Variants in C1orf185 observed in about 807,000 individuals in gnomAD.
The protein encoded by C1orf185 is chromosome 1 open reading frame 185.
A neutral mutation model predicts 16.1 loss-of-function variants in C1orf185; 13 were observed. That is an observed-to-expected ratio of 0.81 (90% CI 0.53 to 1.28). The LOEUF (loss-of-function observed/expected upper bound fraction) is 1.28. Ranked by LOEUF, C1orf185 falls within the 50% of genes most tolerant of loss-of-function variation. The pLI is 0.00. For missense variants in C1orf185, 220 were observed against 225.2 expected (o/e 0.98, Z 0.15); for synonymous variants, 80 against 76.9 (o/e 1.04, Z -0.21).
chr1:51,109,692 T>C lies in C1orf185; in HGVS notation c.17-2772T>C, dbSNP rs533937237. On this transcript the variant is annotated intron_variant, in intron 1 of 4. Coordinates refer to ENST00000371759, the MANE Select transcript of C1orf185 (RefSeq NM_001136508.2). ...TTCCTGGCACTTTGGCAAAAATCAGTTGGCTGTAGACATGTAGATTTATTT... is the reference window on the plus strand; with the variant it reads ...TTCCTGGCACTTTGGCAAAAATCAGCTGGCTGTAGACATGTAGATTTATTT... Among the ~76,000 whole-genome samples, 262 of 152,340 alleles carry C rather than the reference T, an allele frequency of 1.7e-3. 1 individual carries two copies. The highest frequency in any genetic ancestry group is 6.1e-3 in the African/African-American group (253 of 41,576).
rs572664558 is a variant in C1orf185 at position 51,127,785 on chromosome 1, C to T, written c.258+8984C>T. 3.3e-5 allele frequency among the ~76,000 whole-genome samples: 5 copies of T among 151,812 alleles called. No individual in the cohort carries two copies. In the East Asian group the frequency reaches 5.8e-4, roughly 18 times the overall value. On this transcript the variant is annotated intron_variant, in intron 3 of 4. Coordinates refer to ENST00000371759, the MANE Select transcript of C1orf185 (RefSeq NM_001136508.2). ...AACATTTTATGCATTCTCTTGTTGA[C>T]GGATATTGGGTTGTTTTTAGTTTTT...
intron 4 of C1orf185, among the ~76,000 whole-genome samples, chr1:51,146,391 G>A (rs190720705): frequency 1.6e-3 from 241 of 151,416 alleles, no homozygotes; most frequent in African/African-American, 5.7e-3. Flanking sequence ...CCCAGGAGGC[G>A]GAGGTTGCAG....
At chr1:51,134,461 C>T (rs1458828323) in intron 3 of C1orf185, among the ~76,000 whole-genome samples, 2 of 151,700 alleles carry the variant, frequency 1.3e-5, no homozygotes, top group African/African-American at 4.8e-5. Flanking sequence ...AATCCCAAAG[C>T]TAGCAGAAGA....
At chr1:51,137,308 G>T (rs1288286846) in intron 3 of C1orf185, among the ~76,000 whole-genome samples, 1 of 151,966 alleles carries the variant, frequency 6.6e-6, no homozygotes, top group African/African-American at 2.4e-5. Context: ...TGAGGCAGGT[G>T]GATCACTTGA....
chr1:51,141,108 C>A (rs1646361144), intron 3 of C1orf185, among the ~76,000 whole-genome samples: 1 of 152,082 alleles, frequency 6.6e-6, no homozygotes, highest in African/African-American at 2.4e-5. Flanking sequence ...AAAAATATTT[C>A]AAGGAAATAA....
downstream of C1orf185, among the ~76,000 whole-genome samples, chr1:51,149,868 C>T (rs1646422230): frequency 6.6e-6 from 1 of 152,148 alleles, no homozygotes; most frequent in African/African-American, 2.4e-5. Flanking sequence ...TGAAGTATGG[C>T]TATAAAGCCT....
chr1:51,147,348 T>A, intron 4 of C1orf185, 119 bp from the exon 5 acceptor site: 2 of 845,890 alleles, frequency 2.4e-6, no homozygotes, highest in Non-Finnish European at 3.6e-6. Context: ...TATAACACTG[T>A]GTGGATGATA....
In C1orf185 at chr1:51,145,770, C is replaced by G; in HGVS notation, c.295+10C>G. On this transcript the variant is annotated intron_variant, in intron 4 of 4. Transcript: ENST00000371759. The stretch of plus-strand genomic sequence containing the variant: ...GCAGCACATATAAAAGGTATTTTTT[C>G]TCAATAATTTATTAGAAGAAATCTT... 7.8e-7 allele frequency: 1 copy of G among 1,281,158 alleles called. No homozygotes were observed. Among genetic ancestry groups the G allele is most frequent in the Non-Finnish European group, 1.1e-6 (1 of 942,994 alleles). The allele number at this position is 1,281,158 out of a possible 1,614,324, so 79.4% of individuals were successfully genotyped here.
downstream of C1orf185, among the ~76,000 whole-genome samples, chr1:51,151,753 G>A (rs563523253): frequency 2.6e-5 from 4 of 151,976 alleles, no homozygotes; most frequent in Admixed American, 2.0e-4. Flanking sequence ...CAGTGGCAAT[G>A]GTCTTGGCTC....
Position 51,118,743 on chromosome 1 carries a change from C to T in C1orf185, c.200C>T (p.Ser67Phe). 6.7e-7 allele frequency: 1 copy of T among 1,495,518 alleles called. No individual in the cohort carries two copies. 92.6% of individuals were successfully genotyped at this position (1,495,518 alleles called of 1,614,324 possible). A position where few individuals can be genotyped will look rare whatever the true frequency, so the allele number is the denominator to read the frequency against. The change falls in exon 3 of 5, where the codon TCT (serine) becomes TTT (phenylalanine). Residue 67 changes from serine (S) to phenylalanine (F), a missense_variant. By Grantham distance (155) the Ser-to-Phe change is radical (BLOSUM62 -2). Transcript: ENST00000371759. ...AGACCATCAATGGCGAAGATTAAAT[C>T]TCATTCTCAGTGTGTTTTTATTTCT... ...RQRPSMAKIK[S>F]HSQCVFISRN... is the part of the protein sequence containing the mutation.
At chr1:51,102,424 TG>T (rs1646038989) in intron 1 of C1orf185, 175 bp downstream of exon 1, 1 of 422,894 alleles carries the variant, frequency 2.4e-6, no homozygotes, top group Non-Finnish European at 4.3e-6. Flanking sequence ...CTATTTTCTT[TG>T]GGGGAAATTT....
At chr1:51,118,881 T>C (rs1646177848) in intron 3 of C1orf185, 80 bp downstream of exon 3, 2 of 1,071,114 alleles carry the variant, frequency 1.9e-6, no homozygotes, top group East Asian at 3.1e-5. Context: ...TCTTAAAATC[T>C]GAAGGACAGA....
intron 3 of C1orf185, among the ~76,000 whole-genome samples, chr1:51,125,528 C>T (rs1255417730): frequency 6.6e-6 from 1 of 152,148 alleles, no homozygotes; most frequent in Non-Finnish European, 1.5e-5. Context: ...GGGCATAGTG[C>T]TGGATTGTAG....
Position 51,142,896 on chromosome 1 carries a change from T to G in C1orf185, c.259-2828T>G, listed in dbSNP as rs369855747. Among the ~76,000 whole-genome samples the G allele has an allele frequency of 4.3e-4, 65 of 152,206 alleles. 2 individuals carry two copies. In the South Asian group the frequency reaches 7.7e-3, roughly 18 times the overall value. ...CTCATGCCTCAGCCTCCCAAGTAGC[T>G]GGGATTACAGGCATGCACCATCATG... On this transcript the variant is annotated intron_variant, in intron 3 of 4. Transcript: ENST00000371759.
chr1:51,131,894 G>A (rs561104381), intron 3 of C1orf185, among the ~76,000 whole-genome samples: 10 of 152,134 alleles, frequency 6.6e-5, no homozygotes, highest in East Asian at 1.9e-4. Context: ...GCACCTCGGC[G>A]CCCCCAGCAA....
chr1:51,149,071 T>A (rs1646417985), downstream of C1orf185, among the ~76,000 whole-genome samples: 1 of 152,258 alleles, frequency 6.6e-6, no homozygotes, highest in South Asian at 2.1e-4. Flanking sequence ...CTCTCCAGTC[T>A]ATGAGACCCT....
At chr1:51,117,010 T>G (rs562637815) in intron 2 of C1orf185, among the ~76,000 whole-genome samples, 7 of 152,322 alleles carry the variant, frequency 4.6e-5, no homozygotes, top group African/African-American at 1.7e-4. Flanking sequence ...ATTTCCACTC[T>G]TGTAATTTTT....
intron 1 of C1orf185, among the ~76,000 whole-genome samples, chr1:51,109,976 G>A (rs1376536358): frequency 1.3e-5 from 2 of 151,850 alleles, no homozygotes; most frequent in Non-Finnish European, 2.9e-5. Flanking sequence ...GATTGCTTTG[G>A]TTACCCTTAA....
intron 3 of C1orf185, among the ~76,000 whole-genome samples, chr1:51,125,229 A>G (rs1646231836): frequency 6.6e-6 from 1 of 152,212 alleles, no homozygotes; most frequent in Non-Finnish European, 1.5e-5. Flanking sequence ...TAATGCTCCA[A>G]TGCCCACCCA....
Sources: allele counts gnomAD v4.1 joint callset (sites outside exome capture counted in the v4.1 genomes callset), GRCh38; gene constraint gnomAD v4.1.1; transcripts MANE v1.5; gene names NCBI Gene and HGNC (gene_info 2026-07-23, HGNC 2026-07-21).